UGT2B17: variants seen among roughly 807,000 people sequenced by gnomAD.
UGT2B17 encodes UDP glucuronosyltransferase family 2 member B17.
A neutral mutation model predicts 48.2 loss-of-function variants in UGT2B17; 21 were observed. The ratio of observed to expected loss-of-function variants is 0.44; its 90% CI spans 0.31 to 0.63. UGT2B17 has a LOEUF of 0.63. Ranked by LOEUF, UGT2B17 falls within the 20% of genes least tolerant of loss-of-function variation. The pLI is 0.08. For missense variants in UGT2B17, 402 were observed against 696.1 expected, an observed-to-expected ratio of 0.58 and a Z score of 4.75; for synonymous variants, 146 against 238.4, an observed-to-expected ratio of 0.61 and a Z score of 3.57.
At position 68,576,156 on chromosome 4, in the gene UGT2B17, C is replaced by T. The variant is rs1184890952; in HGVS notation, c.-270G>A. 5.6e-5 allele frequency among the ~76,000 whole-genome samples: 7 copies of T among 125,460 alleles called. 2 individuals carry two copies. The highest frequency in any genetic ancestry group is 8.2e-5 in the African/African-American group (3 of 36,606). 82.3% of individuals were successfully genotyped at this position (125,460 alleles called of 152,430 possible). The stretch of plus-strand genomic sequence containing the variant: ...GCTCCACAGGGCAGGCTTAAGCCAC[C>T]TAAGGGGCTGCCTCAGCCTTCCGTC... On this transcript the variant is annotated 5_prime_UTR_variant, in exon 1 of 7. Coordinates refer to ENST00000317746, the MANE Select transcript of UGT2B17 (RefSeq NM_001077.4).
chr4:68,564,932 T>C (rs1390809529), intron 3 of UGT2B17, among the ~76,000 whole-genome samples: 1 of 125,288 alleles, frequency 8.0e-6, no homozygotes, highest in Non-Finnish European at 1.7e-5. Context: ...GGTCTCAAAC[T>C]CCTGAGCCCA....
At chr4:68,561,788 A>G (rs112062888) in intron 3 of UGT2B17, among the ~76,000 whole-genome samples, 1 of 117,830 alleles carries the variant, frequency 8.5e-6, no homozygotes, top group Middle Eastern at 4.2e-3. Flanking sequence ...TCTCACACCA[A>G]AAAAAAAAAA....
intron 4 of UGT2B17, among the ~76,000 whole-genome samples, chr4:68,555,950 C>A (rs1226729429): frequency 6.2e-5 from 6 of 96,250 alleles, no homozygotes; most frequent in East Asian, 1.1e-3. Flanking sequence ...TTGTAAAAAG[C>A]TTGAAGAGAA....
rs1237843372 is a variant in UGT2B17 at position 68,545,546 on chromosome 4, C to T, written c.1313+5131G>A. ...AAGCAAGAGCAAACACATTCAAAAGCTAGCAGAAGGCAAGAAATAACTAAA... is the reference window on the plus strand; with the variant it reads ...AAGCAAGAGCAAACACATTCAAAAGTTAGCAGAAGGCAAGAAATAACTAAA... On this transcript the variant is annotated intron_variant, in intron 6 of 6. Coordinates refer to ENST00000317746, the MANE Select transcript of UGT2B17 (RefSeq NM_001077.4). Among the ~76,000 whole-genome samples, 3 of 125,344 alleles carry T rather than the reference C, an allele frequency of 2.4e-5. 1 individual carries two copies. The highest frequency in any genetic ancestry group is 5.0e-5 in the Non-Finnish European group (3 of 59,416). The allele number at this position is 125,344 out of a possible 152,430, so 82.2% of individuals were successfully genotyped here.
In UGT2B17 at chr4:68,563,724, A is replaced by G. The variant is rs1474793554; in HGVS notation, c.873+1848T>C. On this transcript the variant is annotated intron_variant, in intron 3 of 6. Coordinates refer to ENST00000317746, the MANE Select transcript of UGT2B17 (RefSeq NM_001077.4). Reference sequence around the variant, plus strand: ...TGAGAATAAGATAAGAGTACACAGAATTACCTTTTAAGCTAAAATATTAAT... The same window carrying G: ...TGAGAATAAGATAAGAGTACACAGAGTTACCTTTTAAGCTAAAATATTAAT... Among the ~76,000 whole-genome samples the G allele has an allele frequency of 2.4e-5, 3 of 126,138 alleles. 1 individual carries two copies. The East Asian group carries it at 2.2e-3, about 95-fold the overall frequency. 82.8% of individuals were successfully genotyped at this position (126,138 alleles called of 152,430 possible).
rs1339046631 is a variant in UGT2B17 at position 68,548,467 on chromosome 4, T to A, written c.1313+2210A>T. The stretch of plus-strand genomic sequence containing the variant: ...GGAGGGATAGCATTAGGAGATACAC[T>A]TAATGTTAAATGACGAGTTAATGGG... On this transcript the variant is annotated intron_variant, in intron 6 of 6. Transcript: ENST00000317746. 1.1e-4 allele frequency among the ~76,000 whole-genome samples: 14 copies of A among 124,316 alleles called. 3 individuals are homozygous for A. The highest frequency in any genetic ancestry group is 3.8e-4 in the African/African-American group (14 of 36,398). The allele number at this position is 124,316 out of a possible 152,430, so 81.6% of individuals were successfully genotyped here.
chr4:68,561,654 A>G (rs1465930490), intron 3 of UGT2B17, among the ~76,000 whole-genome samples: 1 of 123,466 alleles, frequency 8.1e-6, no homozygotes, highest in African/African-American at 2.8e-5. Context: ...CTCACACTAT[A>G]TGAAGCTCCT....
In UGT2B17 at chr4:68,549,258, A is replaced by T. The variant is rs1392553820; in HGVS notation, c.1313+1419T>A. 2.5e-5 allele frequency among the ~76,000 whole-genome samples: 3 copies of T among 121,882 alleles called. 1 individual carries two copies. The highest frequency in any genetic ancestry group is 5.1e-5 in the Non-Finnish European group (3 of 58,270). The allele number at this position is 121,882 out of a possible 152,430, so 80.0% of individuals were successfully genotyped here. On this transcript the variant is annotated intron_variant, in intron 6 of 6. Coordinates refer to ENST00000317746, the MANE Select transcript of UGT2B17 (RefSeq NM_001077.4). The stretch of plus-strand genomic sequence containing the variant: ...CTGGTGTAGTCACAGCATTTTCCAT[A>T]TTATTTCCCTTGGATTATGGAAAAC...
intron 3 of UGT2B17, among the ~76,000 whole-genome samples, chr4:68,562,918 A>G (rs1212502263): frequency 7.9e-6 from 1 of 126,374 alleles, no homozygotes; most frequent in Non-Finnish European, 1.7e-5. Flanking sequence ...TACAGCTGAC[A>G]GTGTAATTAA....
At chr4:68,548,095 A>C (rs1192591365) in intron 6 of UGT2B17, among the ~76,000 whole-genome samples, 2 of 127,228 alleles carry the variant, frequency 1.6e-5, no homozygotes, top group African/African-American at 5.4e-5. Context: ...AAAGGGTTAT[A>C]AATCATGCTT....
chr4:68,554,477 T>A (rs1364093836), intron 4 of UGT2B17, among the ~76,000 whole-genome samples: 1 of 125,744 alleles, frequency 8.0e-6, no homozygotes. Context: ...TTGCTTTTAT[T>A]TTTCTATTAA....
rs1256597726 is a variant in UGT2B17 at position 68,554,580 on chromosome 4, A to G, written c.1006-2669T>C. On this transcript the variant is annotated intron_variant, in intron 4 of 6. Transcript: ENST00000317746. The stretch of plus-strand genomic sequence containing the variant: ...GCTAAATTTCTGAAGTAAAAACCAC[A>G]TAATCTTTTGTGTGTGTGTAAGTGT... Among the ~76,000 whole-genome samples the G allele has an allele frequency of 3.2e-5, 4 of 125,716 alleles. 2 individuals are homozygous for G. The highest frequency in any genetic ancestry group is 6.7e-5 in the Non-Finnish European group (4 of 59,390). The allele number at this position is 125,716 out of a possible 152,430, so 82.5% of individuals were successfully genotyped here.
At position 68,576,226 on chromosome 4, in the gene UGT2B17, C is replaced by T. The variant is rs181234521; in HGVS notation, c.-340G>A. On this transcript the variant is annotated 5_prime_UTR_variant, in exon 1 of 7. Coordinates refer to ENST00000317746, the MANE Select transcript of UGT2B17 (RefSeq NM_001077.4). The stretch of plus-strand genomic sequence containing the variant: ...CAGGGAGCCAAGAAATGTAGCAGGA[C>T]GAGCCACAGACAAAACCTCTCAGAC... 1.3e-3 allele frequency among the ~76,000 whole-genome samples: 169 copies of T among 125,558 alleles called. 35 individuals are homozygous for T. Among genetic ancestry groups the T allele is most frequent in the South Asian group, 8.7e-3 (24 of 2,754 alleles). 82.4% of individuals were successfully genotyped at this position (125,558 alleles called of 152,430 possible). A position where few individuals can be genotyped will look rare whatever the true frequency, so the allele number is the denominator to read the frequency against.
Position 68,546,418 on chromosome 4 carries a change from G to A in UGT2B17, c.1313+4259C>T, listed in dbSNP as rs576850120. 1.6e-4 allele frequency among the ~76,000 whole-genome samples: 20 copies of A among 125,734 alleles called. 10 individuals carry two copies. In the East Asian group the frequency reaches 0.014, roughly 87 times the overall value. 82.5% of individuals were successfully genotyped at this position (125,734 alleles called of 152,430 possible). A position where few individuals can be genotyped will look rare whatever the true frequency, so the allele number is the denominator to read the frequency against. On this transcript the variant is annotated intron_variant, in intron 6 of 6. Coordinates refer to ENST00000317746, the MANE Select transcript of UGT2B17 (RefSeq NM_001077.4). ...TCTCAATAAATTAGGTATTGATGGG[G>A]AGTATCTCCAAATAATAAGAGTTAT...
chr4:68,570,693 G>A (rs1232603600), intron 1 of UGT2B17, among the ~76,000 whole-genome samples: 2 of 126,008 alleles, frequency 1.6e-5, no homozygotes, highest in Non-Finnish European at 3.4e-5. Flanking sequence ...CTAAGGTAGC[G>A]ATGAAGCTTT....
chr4:68,545,481 T>C (rs191236633), intron 6 of UGT2B17, among the ~76,000 whole-genome samples: 6,921 of 124,436 alleles, frequency 0.056, 1,598 homozygotes, highest in African/African-American at 0.16. Context: ...AGGAAACATC[T>C]AAAATTGACA....
At position 68,567,796 on chromosome 4, in the gene UGT2B17, A is replaced by G; in HGVS notation, c.689T>C (p.Leu230Pro). The G allele has an allele frequency of 1.5e-6, 2 of 1,359,694 alleles. 1 individual carries two copies. Among genetic ancestry groups the G allele is most frequent in the Non-Finnish European group, 1.9e-6 (2 of 1,047,618 alleles). The allele number at this position is 1,359,694 out of a possible 1,614,324, so 84.2% of individuals were successfully genotyped here. ...YFDFWFQAYD[L>P]KKWDQFYSEV... ...ACTATAAAACTGGTCCCACTTCTTC[A>G]GATCATATGCTTGAAACCAAAAGTC... The change falls in exon 2 of 7, where the codon CTG becomes CCG. Residue 230 changes from leucine to proline, a missense_variant. Around this residue, in one of 5 missense-constraint regions of UGT2B17, gnomAD observed 106 missense variants for 169.8 expected, o/e 0.62. Coordinates refer to ENST00000317746, the MANE Select transcript of UGT2B17 (RefSeq NM_001077.4).
intron 3 of UGT2B17, among the ~76,000 whole-genome samples, chr4:68,561,039 A>AT (rs561970211): frequency 0.013 from 1,531 of 120,478 alleles, 278 homozygotes; most frequent in African/African-American, 0.039. Context: ...CTTTAATTCT[A>AT]TTTTTTTTTG....
chr4:68,547,234 C>T lies in UGT2B17; in HGVS notation c.1313+3443G>A, dbSNP rs370219443. On this transcript the variant is annotated intron_variant, in intron 6 of 6. Coordinates refer to ENST00000317746, the MANE Select transcript of UGT2B17 (RefSeq NM_001077.4). ...ACTGGTACCAAAACAGAGATATAGA[C>T]CAATGGAACAGAACAGAGCCCTCAG... Among the ~76,000 whole-genome samples, 126 of 123,176 alleles carry T rather than the reference C, an allele frequency of 1.0e-3. 31 individuals carry two copies. The highest frequency in any genetic ancestry group is 0.01 in the Admixed American group (122 of 11,930). 80.8% of individuals were successfully genotyped at this position (123,176 alleles called of 152,430 possible). A position where few individuals can be genotyped will look rare whatever the true frequency, so the allele number is the denominator to read the frequency against.
Sources: gnomAD v4.1 joint callset for allele counts (sites outside exome capture counted in the v4.1 genomes callset) on GRCh38, gnomAD v4.1.1 for gene constraint, gnomAD v4.1.1 regional missense constraint, MANE v1.5 for transcripts, NCBI Gene and HGNC (gene_info 2026-07-23, HGNC 2026-07-21) for gene names.